Variants in TEKT5 observed in about 807,000 individuals in gnomAD.
The protein encoded by TEKT5 is tektin-5.
A neutral mutation model predicts 48.7 loss-of-function variants in TEKT5; 52 were observed. That is an observed-to-expected ratio of 1.07 (90% confidence interval 0.86 to 1.35). TEKT5 has a LOEUF of 1.35. TEKT5 is among the 40% of genes most tolerant of loss of function. TEKT5 has a pLI of 0.00. For missense variants in TEKT5, 831 were observed against 641.6 expected, an observed-to-expected ratio of 1.30 and a Z score of -3.19; for synonymous variants, 318 against 267.6, an observed-to-expected ratio of 1.19 and a Z score of -1.84.
At chr16:10,638,359 G>A (rs1897945228) in intron 5 of TEKT5, among the ~76,000 whole-genome samples, 1 of 152,168 alleles carries the variant, frequency 6.6e-6, no homozygotes, top group South Asian at 2.1e-4. Context: ...CTTGACCTGT[G>A]AGCAGTTCTG....
At chr16:10,667,829 A>T (rs1898483119) in intron 5 of TEKT5, among the ~76,000 whole-genome samples, 1 of 152,020 alleles carries the variant, frequency 6.6e-6, no homozygotes, top group African/African-American at 2.4e-5. Flanking sequence ...ATTGTTTTCC[A>T]CCAATAGAGG....
At chr16:10,683,758 T>C (rs11643073) in intron 3 of TEKT5, among the ~76,000 whole-genome samples, 63,888 of 151,582 alleles carry the variant, frequency 0.42, 14,010 homozygotes, top group East Asian at 0.61. Context: ...TCCCGGCTGA[T>C]TTTTGTGTTT....
At chr16:10,650,221 G>A (rs28397003) in intron 5 of TEKT5, among the ~76,000 whole-genome samples, 40,387 of 151,304 alleles carry the variant, frequency 0.27, 5,899 homozygotes, top group Middle Eastern at 0.4. Flanking sequence ...AAGTAGCTGG[G>A]ATTACAGTAG....
chr16:10,644,665 A>G (rs1464949638), intron 5 of TEKT5, among the ~76,000 whole-genome samples: 1 of 152,202 alleles, frequency 6.6e-6, no homozygotes, highest in African/African-American at 2.4e-5. Context: ...TGACTATAAC[A>G]TAAGCTATCA....
intron 3 of TEKT5, among the ~76,000 whole-genome samples, chr16:10,688,179 G>C (rs2142314063): frequency 6.6e-6 from 1 of 152,280 alleles, no homozygotes; most frequent in Non-Finnish European, 1.5e-5. Flanking sequence ...CTCTGTTTGT[G>C]TCCTTTCAGC....
At chr16:10,670,533 G>T (rs746703209) in intron 5 of TEKT5, among the ~76,000 whole-genome samples, 7 of 152,134 alleles carry the variant, frequency 4.6e-5, no homozygotes, top group Non-Finnish European at 8.8e-5. Context: ...AAAGAAGAGA[G>T]CATTTCAAAT....
chr16:10,655,643 G>A (rs929453575), intron 5 of TEKT5, among the ~76,000 whole-genome samples: 3 of 152,268 alleles, frequency 2.0e-5, no homozygotes, highest in Admixed American at 1.3e-4. Flanking sequence ...CCAGTGGAAA[G>A]GAATCAAAAT....
chr16:10,687,553 G>T (rs1442406232), intron 3 of TEKT5, among the ~76,000 whole-genome samples: 3 of 152,342 alleles, frequency 2.0e-5, no homozygotes, highest in African/African-American at 7.2e-5. Flanking sequence ...AGGAGTTCCA[G>T]ACCAGCCTGG....
rs117891888 is a variant in TEKT5 at position 10,677,611 on chromosome 16, C to A, written c.864-1430G>T. Among the ~76,000 whole-genome samples, 18 of 145,824 alleles carry A rather than the reference C, an allele frequency of 1.2e-4. 1 individual carries two copies. The highest frequency in any genetic ancestry group is 8.1e-4 in the Admixed American group (12 of 14,888). On this transcript the variant is annotated intron_variant, in intron 4 of 6. Coordinates refer to ENST00000283025, the MANE Select transcript of TEKT5 (RefSeq NM_144674.2). ...GCAACAGAGTAAGACCCTGTCCCCC[C>A]CAACAAAAAAATAAAAAGAAAATGC... is the stretch of plus-strand genomic sequence containing the variant.
At position 10,690,028 on chromosome 16, in the gene TEKT5, G is replaced by T. The variant is rs1567237358; in HGVS notation, c.565-3C>A. The T allele has an allele frequency of 8.7e-6, 14 of 1,613,896 alleles. No individual in the cohort carries two copies. Among genetic ancestry groups the T allele is most frequent in the Non-Finnish European group, 1.0e-5 (12 of 1,179,986 alleles). On this transcript the variant is annotated splice_polypyrimidine_tract_variant and splice_region_variant and intron_variant, in intron 1 of 6. Coordinates refer to ENST00000283025, the MANE Select transcript of TEKT5 (RefSeq NM_144674.2). Reference sequence around the variant, plus strand: ...TGGTACAGACACTCCAAGGCCACCTGTGGGAAGCAGCAGAAAGAACGTATT... The same window carrying T: ...TGGTACAGACACTCCAAGGCCACCTTTGGGAAGCAGCAGAAAGAACGTATT...
At chr16:10,641,879 A>G (rs184396130) in intron 5 of TEKT5, among the ~76,000 whole-genome samples, 11 of 152,376 alleles carry the variant, frequency 7.2e-5, no homozygotes, top group African/African-American at 2.2e-4. Flanking sequence ...GAACATCTCA[A>G]CTGGAATTAG....
intron 3 of TEKT5, among the ~76,000 whole-genome samples, chr16:10,683,173 G>A (rs918841243): frequency 1.3e-5 from 2 of 152,064 alleles, no homozygotes; most frequent in African/African-American, 4.8e-5. Flanking sequence ...CAATAAATAG[G>A]AGTAGACCTT....
At chr16:10,661,004 TTTG>T (rs1898361997) in intron 5 of TEKT5, among the ~76,000 whole-genome samples, 1 of 152,138 alleles carries the variant, frequency 6.6e-6, no homozygotes, top group Admixed American at 6.6e-5. Context: ...CCGGCTGTGT[TTTG>T]TTTTTTCTTC....
chr16:10,631,620 C>T (rs1395845449), intron 6 of TEKT5, among the ~76,000 whole-genome samples: 3 of 151,986 alleles, frequency 2.0e-5, no homozygotes, highest in Non-Finnish European at 4.4e-5. Flanking sequence ...ATGAGATCAT[C>T]CTGGATTTAG....
At chr16:10,650,979 G>C (rs1042177416) in intron 5 of TEKT5, among the ~76,000 whole-genome samples, 1 of 152,126 alleles carries the variant, frequency 6.6e-6, no homozygotes, top group East Asian at 1.9e-4. Flanking sequence ...CCAGAAGTTT[G>C]AGGAATGGGA....
At chr16:10,693,010 T>C (rs1036197516) in intron 1 of TEKT5, 1 of 152,246 alleles carries the variant, frequency 6.6e-6, no homozygotes, top group African/African-American at 2.4e-5. Flanking sequence ...CTAAAAACTA[T>C]CCTAACTGAG....
At chr16:10,680,009 T>C (rs1898718093) in intron 4 of TEKT5, among the ~76,000 whole-genome samples, 1 of 152,056 alleles carries the variant, frequency 6.6e-6, no homozygotes, top group Non-Finnish European at 1.5e-5. Context: ...CCAGATGGAG[T>C]CTCCAGATGG....
rs551838862 is a variant in TEKT5, at chr16:10,631,528, T to C, written c.1242-3729A>G. On this transcript the variant is annotated intron_variant, in intron 6 of 6. Transcript: ENST00000283025. ...TCGGGTGGTGTTCCTCAGAAAGATA[T>C]GTTCAAGTCCTAAGCCCTGGTGCGT... Among the ~76,000 whole-genome samples, 23 of 152,198 alleles carry C rather than the reference T, an allele frequency of 1.5e-4. No individual in the cohort carries two copies. The South Asian group carries it at 4.6e-3, about 30-fold the overall frequency.
intron 5 of TEKT5, among the ~76,000 whole-genome samples, chr16:10,645,936 A>G (rs1801352231): frequency 6.6e-6 from 1 of 152,110 alleles, no homozygotes; most frequent in Admixed American, 6.6e-5. Flanking sequence ...GTTTGAGACC[A>G]GCCTGGGCAA....
Sources: gnomAD v4.1 joint callset for allele counts (sites outside exome capture counted in the v4.1 genomes callset) on GRCh38, gnomAD v4.1.1 for gene constraint, MANE v1.5 for transcripts, NCBI Gene and HGNC (gene_info 2026-07-23, HGNC 2026-07-21) for gene names.